The following ATRX variants were observed in gnomAD, a reference collection of about 807,000 sequenced individuals.
ATRX encodes the protein chromatin remodeler ATRX.
A neutral mutation model predicts 172.6 loss-of-function variants in ATRX; 12 were observed. The observed-to-expected ratio is 0.07, with a 90% confidence interval of 0.04 to 0.11. The LOEUF is 0.11. Among genes scored for constraint, ATRX ranks in the 10% least tolerant of loss-of-function variants. The probability of loss-of-function intolerance (pLI) is 1.00; values close to 1 mark genes in which losing one functional copy is unlikely to be tolerated. For synonymous variants in ATRX, 674 were observed against 594.7 expected (o/e 1.13, Z -1.94); for missense variants, 1,368 against 1,767.4 (o/e 0.77, Z 4.05).
intron 22 of ATRX, among the ~76,000 whole-genome samples, chrX:77,603,092 G>A (rs1427836478): frequency 2.7e-5 from 3 of 110,853 alleles, no homozygotes; most frequent in African/African-American, 9.8e-5. Flanking sequence ...GGATCATAAA[G>A]AACTAGTATG....
chrX:77,628,533 T>G (rs1223618181), intron 19 of ATRX, among the ~76,000 whole-genome samples: 2 of 112,483 alleles, frequency 1.8e-5, no homozygotes, highest in African/African-American at 3.2e-5. Flanking sequence ...GAGAGAAAAG[T>G]TGATAAAATG....
At chrX:77,563,702 C>T (rs370575558) in intron 28 of ATRX, among the ~76,000 whole-genome samples, 6 of 95,490 alleles carry the variant, frequency 6.3e-5, no homozygotes, top group Non-Finnish European at 1.3e-4. Flanking sequence ...TGTGTACATG[C>T]GTGTGTGTGT....
intron 19 of ATRX, among the ~76,000 whole-genome samples, chrX:77,627,390 C>A (rs974358478): frequency 9.0e-6 from 1 of 111,509 alleles, no homozygotes; most frequent in Non-Finnish European, 1.9e-5. Flanking sequence ...ATAACATTTA[C>A]TAACATAAAA....
intron 2 of ATRX, among the ~76,000 whole-genome samples, chrX:77,714,048 A>G (rs781949598): frequency 1.8e-5 from 2 of 111,780 alleles, no homozygotes; most frequent in African/African-American, 6.5e-5. Flanking sequence ...GCAAAAAGCT[A>G]GGTCAGAGAG....
chrX:77,763,980 G>A (rs1557194223), intron 1 of ATRX, among the ~76,000 whole-genome samples: 1 of 110,019 alleles, frequency 9.1e-6, no homozygotes, highest in Non-Finnish European at 1.9e-5. Flanking sequence ...CAGGTGTGGT[G>A]GCAAAGGCCT....
At chrX:77,686,973 G>C (rs926256891) in intron 7 of ATRX, among the ~76,000 whole-genome samples, 5 of 108,005 alleles carry the variant, frequency 4.6e-5, no homozygotes, top group African/African-American at 6.8e-5. Flanking sequence ...GGCCAACAGG[G>C]TAAAACCCCG....
chrX:77,738,926 A>T (rs1475613586), intron 1 of ATRX, among the ~76,000 whole-genome samples: 1 of 111,660 alleles, frequency 9.0e-6, no homozygotes, highest in Non-Finnish European at 1.9e-5. Context: ...GTAATACAGC[A>T]TACTTTTTCA....
chrX:77,626,881 A>G (rs781998010), intron 19 of ATRX, among the ~76,000 whole-genome samples: 1 of 112,171 alleles, frequency 8.9e-6, no homozygotes, highest in South Asian at 3.7e-4. Flanking sequence ...CAATGGAAGG[A>G]GAGTGGTAGC....
At chrX:77,735,541 G>A (rs1286379087) in intron 1 of ATRX, among the ~76,000 whole-genome samples, 1 of 106,985 alleles carries the variant, frequency 9.3e-6, no homozygotes, top group Non-Finnish European at 1.9e-5. Flanking sequence ...GCAGTGAGCC[G>A]AGATCGTGCC....
At chrX:77,599,639 G>A (rs2148146471) in intron 24 of ATRX, 59 bp from the exon 25 acceptor site, 1 of 1,200,435 alleles carries the variant, frequency 8.3e-7, no homozygotes, top group East Asian at 3.0e-5. Flanking sequence ...AAAAGCATAG[G>A]AAAGATGTAA....
intron 11 of ATRX, among the ~76,000 whole-genome samples, chrX:77,664,418 C>A (rs1324144164): frequency 9.1e-6 from 1 of 110,357 alleles, no homozygotes; most frequent in Non-Finnish European, 1.9e-5. Context: ...CACTATCACG[C>A]CCAGCTACTT....
chrX:77,543,180 T>C (rs1557051663), intron 30 of ATRX, among the ~76,000 whole-genome samples: 2 of 112,360 alleles, frequency 1.8e-5, no homozygotes, highest in African/African-American at 6.5e-5. Context: ...GAAGAAGACA[T>C]ATATGCAGCC....
chrX:77,660,946 A>G (rs1361359630), intron 12 of ATRX, among the ~76,000 whole-genome samples: 2 of 112,071 alleles, frequency 1.8e-5, no homozygotes, highest in Non-Finnish European at 3.8e-5. Flanking sequence ...TCAACCTCCT[A>G]TAAGACTCAA....
intron 1 of ATRX, among the ~76,000 whole-genome samples, chrX:77,767,241 G>A (rs2075999224): frequency 1.9e-5 from 2 of 104,873 alleles, no homozygotes; most frequent in Admixed American, 1.0e-4. Context: ...CGTGGGGAGA[G>A]GGAGAGAGGG....
chrX:77,708,205 T>C (rs1311168947), intron 2 of ATRX, among the ~76,000 whole-genome samples: 2 of 111,909 alleles, frequency 1.8e-5, no homozygotes, highest in African/African-American at 6.5e-5. Flanking sequence ...GATAAATGGA[T>C]AAACAAATAT....
intron 10 of ATRX, chrX:77,674,043 T>C (rs894335363): frequency 9.0e-6 from 1 of 111,299 alleles, no homozygotes; most frequent in African/African-American, 3.2e-5. Flanking sequence ...TGAAAATGTA[T>C]TACAATACTG....
At chrX:77,740,090 GAAAC>G (rs1272246650) in intron 1 of ATRX, among the ~76,000 whole-genome samples, 13 of 81,423 alleles carry the variant, frequency 1.6e-4, no homozygotes, top group African/African-American at 2.6e-4. Context: ...TTTAAAAAAA[GAAAC>G]AAACAAAACT....
intron 19 of ATRX, among the ~76,000 whole-genome samples, chrX:77,625,322 A>T (rs1907677453): frequency 8.9e-6 from 1 of 112,578 alleles, no homozygotes; most frequent in African/African-American, 3.2e-5. Context: ...ACCCTTCTAG[A>T]CATTGGCTTA....
intron 19 of ATRX, among the ~76,000 whole-genome samples, chrX:77,630,461 G>C (rs1278746982): frequency 8.9e-6 from 1 of 111,919 alleles, no homozygotes; most frequent in Non-Finnish European, 1.9e-5. Context: ...AAATAAAGCT[G>C]TAGGACTTCT....
Sources: allele counts gnomAD v4.1 joint callset (sites outside exome capture counted in the v4.1 genomes callset), GRCh38; gene constraint gnomAD v4.1.1; transcripts MANE v1.5; gene names NCBI Gene and HGNC (gene_info 2026-07-23, HGNC 2026-07-21).